Variants in ATRNL1 observed in about 807,000 individuals in gnomAD.
ATRNL1 encodes attractin like 1.
Under a neutral mutation model 182.7 loss-of-function variants are expected in ATRNL1, and 95 were observed. That is an observed-to-expected ratio of 0.52 (90% CI 0.44 to 0.62). ATRNL1 has a LOEUF of 0.62. Ranked by LOEUF, ATRNL1 falls within the 20% of genes least tolerant of loss-of-function variation. The pLI, the probability that ATRNL1 is intolerant of heterozygous loss-of-function variation, is 0.00. For synonymous variants in ATRNL1, 576 were observed against 568.3 expected, an observed-to-expected ratio of 1.01 and a Z score of -0.19; for missense variants, 1,471 against 1,679.5, an observed-to-expected ratio of 0.88 and a Z score of 2.17.
chr10:115,793,270 T>C (rs1949571913), intron 27 of ATRNL1, among the ~76,000 whole-genome samples: 1 of 152,108 alleles, frequency 6.6e-6, no homozygotes, highest in Admixed American at 6.5e-5. Context: ...TCTTCTTTTA[T>C]ATATTCAACT....
intron 28 of ATRNL1, among the ~76,000 whole-genome samples, chr10:115,912,733 A>G (rs1952721791): frequency 6.6e-6 from 1 of 152,232 alleles, no homozygotes; most frequent in Non-Finnish European, 1.5e-5. Context: ...GTGCTGTATC[A>G]TAATAATGCA....
At position 115,171,459 on chromosome 10, in the gene ATRNL1, C is replaced by A. The variant is rs917217767; in HGVS notation, c.1348+167C>A. 7 of 553,976 alleles carry A rather than the reference C, an allele frequency of 1.3e-5. No homozygotes were observed. In the South Asian group the frequency reaches 3.1e-4, roughly 24 times the overall value. The allele number at this position is 553,976 out of a possible 1,614,324, so 34.3% of individuals were successfully genotyped here. A position where few individuals can be genotyped will look rare whatever the true frequency, so the allele number is the denominator to read the frequency against. ...CTTTTTTGATTATGTTAGATTTTGTCCTTTAATATTTAAGCTTACCTTTTT... is the reference window on the plus strand; with the variant it reads ...CTTTTTTGATTATGTTAGATTTTGTACTTTAATATTTAAGCTTACCTTTTT... On this transcript the variant is annotated intron_variant, in intron 8 of 28. Coordinates refer to ENST00000355044, the MANE Select transcript of ATRNL1 (RefSeq NM_207303.4).
chr10:115,095,914 G>A (rs557804958), intron 1 of ATRNL1, among the ~76,000 whole-genome samples: 2 of 152,166 alleles, frequency 1.3e-5, no homozygotes, highest in South Asian at 4.1e-4. Context: ...TTTGTCTAAA[G>A]AGGACAAAAT....
chr10:115,938,524 A>G (rs1414035859), intron 28 of ATRNL1, among the ~76,000 whole-genome samples: 1 of 152,206 alleles, frequency 6.6e-6, no homozygotes, highest in African/African-American at 2.4e-5. Flanking sequence ...CTACTTATTT[A>G]CAAAATAGCT....
At chr10:115,198,670 G>A (rs1433943525) in intron 8 of ATRNL1, among the ~76,000 whole-genome samples, 1 of 151,858 alleles carries the variant, frequency 6.6e-6, no homozygotes, top group Admixed American at 6.6e-5. Flanking sequence ...TCCATTTTTA[G>A]TTGATTTTTA....
At chr10:115,681,970 G>C (rs1946060181) in intron 26 of ATRNL1, among the ~76,000 whole-genome samples, 2 of 152,086 alleles carry the variant, frequency 1.3e-5, no homozygotes, top group African/African-American at 4.8e-5. Context: ...TAAAAGTAAA[G>C]GATTCATGGT....
intron 12 of ATRNL1, among the ~76,000 whole-genome samples, chr10:115,267,593 C>T (rs1851660762): frequency 1.3e-5 from 2 of 151,900 alleles, no homozygotes; most frequent in African/African-American, 4.8e-5. Flanking sequence ...TTTGCGGTTA[C>T]AATTAATAAA....
chr10:115,553,796 A>G (rs1459472834), intron 26 of ATRNL1, among the ~76,000 whole-genome samples: 1 of 151,478 alleles, frequency 6.6e-6, no homozygotes, highest in Non-Finnish European at 1.5e-5. Flanking sequence ...ATTAAACTGT[A>G]CTTTAATAAT....
At chr10:115,423,315 C>T (rs1429959952) in intron 20 of ATRNL1, among the ~76,000 whole-genome samples, 3 of 152,112 alleles carry the variant, frequency 2.0e-5, no homozygotes, top group Non-Finnish European at 4.4e-5. Flanking sequence ...GAGTGAATTG[C>T]TTGAGTCCAG....
At chr10:115,174,824 C>A (rs1554886402) in intron 8 of ATRNL1, among the ~76,000 whole-genome samples, 2 of 151,838 alleles carry the variant, frequency 1.3e-5, no homozygotes, top group Non-Finnish European at 2.9e-5. Flanking sequence ...GCCCTAGTAA[C>A]CCTGATCCAA....
chr10:115,770,891 C>T (rs924626836), intron 27 of ATRNL1, among the ~76,000 whole-genome samples: 1 of 152,006 alleles, frequency 6.6e-6, no homozygotes, highest in African/African-American at 2.4e-5. Flanking sequence ...GAAAAATATC[C>T]AAAACGTTTT....
intron 28 of ATRNL1, among the ~76,000 whole-genome samples, chr10:115,903,041 T>A (rs1017807813): frequency 1.3e-5 from 2 of 152,196 alleles, no homozygotes; most frequent in African/African-American, 4.8e-5. Context: ...TGTGATCCTC[T>A]TGGCCCCCTT....
intron 26 of ATRNL1, among the ~76,000 whole-genome samples, chr10:115,643,296 A>T (rs944870338): frequency 6.6e-6 from 1 of 152,168 alleles, no homozygotes; most frequent in South Asian, 2.1e-4. Context: ...AATAACTTTG[A>T]CCTCATACTT....
At chr10:115,760,986 G>A (rs1294740618) in intron 27 of ATRNL1, among the ~76,000 whole-genome samples, 2 of 152,134 alleles carry the variant, frequency 1.3e-5, no homozygotes, top group Non-Finnish European at 2.9e-5. Flanking sequence ...TCCATGGGAG[G>A]TCTCCTAAGG....
At chr10:115,496,217 C>T (rs74158357) in intron 24 of ATRNL1, among the ~76,000 whole-genome samples, 7,405 of 151,658 alleles carry the variant, frequency 0.049, 577 homozygotes, top group African/African-American at 0.17. Context: ...TGTCATTGCA[C>T]GTAAGATGGG....
intron 25 of ATRNL1, among the ~76,000 whole-genome samples, chr10:115,548,281 A>T (rs1482118577): frequency 1.3e-5 from 2 of 152,264 alleles, no homozygotes; most frequent in Non-Finnish European, 2.9e-5. Context: ...GATAGATGTT[A>T]AAATTGACAT....
At chr10:115,459,818 G>A (rs948357559) in intron 21 of ATRNL1, among the ~76,000 whole-genome samples, 2 of 151,876 alleles carry the variant, frequency 1.3e-5, no homozygotes, top group African/African-American at 4.8e-5. Context: ...GGGGCATCAC[G>A]GATCCTACCA....
At chr10:115,211,281 A>G (rs1228108691) in intron 8 of ATRNL1, among the ~76,000 whole-genome samples, 5 of 151,434 alleles carry the variant, frequency 3.3e-5, no homozygotes, top group African/African-American at 1.2e-4. Context: ...TTTCCCTCTT[A>G]ATTCCTGAAG....
intron 8 of ATRNL1, among the ~76,000 whole-genome samples, chr10:115,211,827 G>A (rs782147908): frequency 4.2e-5 from 6 of 143,888 alleles, no homozygotes; most frequent in African/African-American, 1.6e-4. Context: ...TGTTCTCATC[G>A]TTCAATTCCC....
Sources: allele counts gnomAD v4.1 joint callset (sites outside exome capture counted in the v4.1 genomes callset), GRCh38; gene constraint gnomAD v4.1.1; transcripts MANE v1.5; gene names NCBI Gene and HGNC (gene_info 2026-07-23, HGNC 2026-07-21).